BMPR1B: variants seen among roughly 807,000 people sequenced by gnomAD.
The protein encoded by BMPR1B is bone morphogenetic protein receptor type 1B, also known as bone morphogenetic protein receptor type-1B.
BMPR1B carries 12 observed loss-of-function variants against 59.1 expected under a neutral mutation model. That is an observed-to-expected ratio of 0.20 (90% confidence interval 0.13 to 0.33). The LOEUF (loss-of-function observed/expected upper bound fraction) is 0.33, where lower values mean the gene tolerates loss of function less well. Ranked by LOEUF, BMPR1B falls within the 10% of genes least tolerant of loss-of-function variation. The pLI is 1.00. For missense variants in BMPR1B, 550 were observed against 610.9 expected (o/e 0.90, Z 1.05); for synonymous variants, 237 against 207.3 (o/e 1.14, Z -1.23).
At chr4:94,906,092 TC>T (rs147601946) in intron 2 of BMPR1B, among the ~76,000 whole-genome samples, 2,558 of 152,110 alleles carry the variant, frequency 0.017, 29 homozygotes, top group Non-Finnish European at 0.026. Flanking sequence ...CCAAGATTTT[TC>T]TTCTGTGAAT....
chr4:94,836,436 T>G (rs376518667), intron 1 of BMPR1B, among the ~76,000 whole-genome samples: 4 of 139,904 alleles, frequency 2.9e-5, no homozygotes, highest in Non-Finnish European at 4.6e-5. Flanking sequence ...CCTGACTTTT[T>G]AATGATTGCC....
chr4:94,860,858 G>A (rs539525723), intron 1 of BMPR1B, among the ~76,000 whole-genome samples: 25 of 149,948 alleles, frequency 1.7e-4, no homozygotes, highest in Non-Finnish European at 2.8e-4. Flanking sequence ...TCTCTTTCAC[G>A]AGATCCCATC....
chr4:94,949,308 CTTTTTTTT>C (rs1216699208), intron 2 of BMPR1B, among the ~76,000 whole-genome samples: 2 of 81,956 alleles, frequency 2.4e-5, no homozygotes, highest in African/African-American at 1.1e-4. Flanking sequence ...TGAACTCATT[CTTTTTTTT>C]TTTTTTTTTT....
chr4:94,912,905 T>A (rs1728340723), intron 2 of BMPR1B, among the ~76,000 whole-genome samples: 1 of 152,108 alleles, frequency 6.6e-6, no homozygotes, highest in African/African-American at 2.4e-5. Context: ...AAACTTGGAT[T>A]CATTCTTTCA....
chr4:94,834,052 G>A (rs879423685), intron 1 of BMPR1B, among the ~76,000 whole-genome samples: 2 of 152,142 alleles, frequency 1.3e-5, no homozygotes, highest in Admixed American at 6.5e-5. Flanking sequence ...TATCTTAAAC[G>A]GATTAGATGT....
At position 95,125,086 on chromosome 4, in the gene BMPR1B, C is replaced by T; in HGVS notation, c.550C>T (p.Gln184Ter). Residue 184 changes from glutamine (Q) to a stop codon, truncating the protein, a stop_gained, in exon 8 of 13, where the codon CAG becomes TAG. Transcript: ENST00000515059. LOFTEE classifies it high-confidence loss of function. Reference protein sequence around the residue: ...ESLRDLIEQSQSSGSGSGLPL... With the variant: ...ESLRDLIEQS ...CCTGAGAGACTTAATTGAGCAGTCTCAGAGCTCAGGAAGTGGATCAGGCCT... is the reference window on the plus strand; with the variant it reads ...CCTGAGAGACTTAATTGAGCAGTCTTAGAGCTCAGGAAGTGGATCAGGCCT... 6.2e-7 allele frequency: 1 copy of T among 1,613,818 alleles called. No homozygotes were observed. The highest frequency in any genetic ancestry group is 8.5e-7 in the Non-Finnish European group (1 of 1,179,812).
chr4:95,045,256 T>C (rs1214102574), intron 3 of BMPR1B, among the ~76,000 whole-genome samples: 1 of 152,210 alleles, frequency 6.6e-6, no homozygotes, highest in Non-Finnish European at 1.5e-5. Context: ...GAAAATATTT[T>C]TCATCTTATC....
intron 3 of BMPR1B, among the ~76,000 whole-genome samples, chr4:95,059,922 T>TAAAA (rs1727227608): frequency 6.6e-6 from 1 of 152,202 alleles, no homozygotes; most frequent in Non-Finnish European, 1.5e-5. Flanking sequence ...GGTGCTTTTC[T>TAAAA]GCCTCTTTTT....
At chr4:94,899,484 T>C (rs566131183) in intron 2 of BMPR1B, among the ~76,000 whole-genome samples, 9 of 149,170 alleles carry the variant, frequency 6.0e-5, no homozygotes, top group Non-Finnish European at 1.2e-4. Context: ...ATATTATATA[T>C]AAATCATATA....
At position 94,770,180 on chromosome 4, in the gene BMPR1B, G is replaced by GTTTTTTTTTTTTTTTT. The variant is rs1553903537; in HGVS notation, c.-183+12113_-183+12114insTTTTTTTTTTTTTTTT. On this transcript the variant is annotated intron_variant, in intron 1 of 12. Coordinates refer to ENST00000515059, the MANE Select transcript of BMPR1B (RefSeq NM_001203.3). ...TTTGTTTGAATTGTCCTTCGTTTCT[G>GTTTTTTTTTTTTTTTT]TGTTTGTTTTTTTTTTTTTTTTTTG... Among the ~76,000 whole-genome samples, 11 of 106,274 alleles carry GTTTTTTTTTTTTTTTT rather than the reference G, an allele frequency of 1.0e-4. 1 individual carries two copies. Among genetic ancestry groups the GTTTTTTTTTTTTTTTT allele is most frequent in the African/African-American group, 4.5e-4 (11 of 24,208 alleles). The allele number at this position is 106,274 out of a possible 152,430, so 69.7% of individuals were successfully genotyped here.
intron 6 of BMPR1B, among the ~76,000 whole-genome samples, chr4:95,123,339 A>G (rs981134425): frequency 1.3e-5 from 2 of 152,190 alleles, no homozygotes; most frequent in African/African-American, 4.8e-5. Context: ...TTTATCCACT[A>G]TAAGATGACT....
intron 3 of BMPR1B, among the ~76,000 whole-genome samples, chr4:95,015,229 C>G (rs1723504290): frequency 6.6e-6 from 1 of 152,052 alleles, no homozygotes; most frequent in South Asian, 2.1e-4. Flanking sequence ...GAAAAATGAT[C>G]ATTTAACTGA....
chr4:95,056,815 A>G (rs1560622007), intron 3 of BMPR1B, among the ~76,000 whole-genome samples: 1 of 152,192 alleles, frequency 6.6e-6, no homozygotes. Context: ...CAAGACAAAA[A>G]TGATCCAACC....
At chr4:94,816,229 C>T (rs760079048) in intron 1 of BMPR1B, among the ~76,000 whole-genome samples, 2 of 152,044 alleles carry the variant, frequency 1.3e-5, no homozygotes, top group Non-Finnish European at 2.9e-5. Context: ...TGACTGCAAC[C>T]TCTGCCTCCC....
rs1735347509 is a variant in BMPR1B, at chr4:95,155,444, G to T, written c.*771G>T. ...GATTGAGTTAGGCATCTCTTTCATG[G>T]TAAAACCCTTTTCATTAAACACAAA... On this transcript the variant is annotated 3_prime_UTR_variant, in exon 13 of 13. Transcript: ENST00000515059. 1 of 127,200 alleles carries T rather than the reference G, an allele frequency of 7.9e-6. No homozygotes were observed. The highest frequency in any genetic ancestry group is 1.6e-5 in the Non-Finnish European group (1 of 62,522). 7.9% of individuals were successfully genotyped at this position (127,200 alleles called of 1,614,324 possible).
At chr4:95,022,989 A>C (rs1247080566) in intron 3 of BMPR1B, among the ~76,000 whole-genome samples, 1 of 152,158 alleles carries the variant, frequency 6.6e-6, no homozygotes, top group Non-Finnish European at 1.5e-5. Context: ...CCATACTCTA[A>C]AGTTATAACA....
Position 94,888,180 on chromosome 4 carries a change from G to A in BMPR1B, c.-113+12280G>A, listed in dbSNP as rs74714930. Among the ~76,000 whole-genome samples, 693 of 152,178 alleles carry A rather than the reference G, an allele frequency of 4.6e-3. 7 individuals are homozygous for A. Among genetic ancestry groups the A allele is most frequent in the African/African-American group, 0.016 (665 of 41,548 alleles). ...CAATTTACAAGGCTTTAGAAAAGTA[G>A]TTTTCAACATGTAAGAGTTTATGGA... On this transcript the variant is annotated intron_variant, in intron 2 of 12. Transcript: ENST00000515059.
At chr4:94,975,615 G>T (rs888466363) in intron 2 of BMPR1B, among the ~76,000 whole-genome samples, 9 of 151,678 alleles carry the variant, frequency 5.9e-5, no homozygotes, top group Non-Finnish European at 2.9e-5. Flanking sequence ...TGGACTCCTG[G>T]GCTCAAGCAA....
intron 6 of BMPR1B, among the ~76,000 whole-genome samples, chr4:95,122,217 A>G (rs1433300936): frequency 6.6e-6 from 1 of 152,052 alleles, no homozygotes; most frequent in Non-Finnish European, 1.5e-5. Context: ...CGTACCTGTG[A>G]TCTCAACTAC....
Sources: allele counts gnomAD v4.1 joint callset (sites outside exome capture counted in the v4.1 genomes callset), GRCh38; gene constraint gnomAD v4.1.1; transcripts MANE v1.5; gene names NCBI Gene and HGNC (gene_info 2026-07-23, HGNC 2026-07-21).